Variants in SCIN observed in about 807,000 individuals in gnomAD.
The protein encoded by SCIN is adseverin.
SCIN carries 91 observed loss-of-function variants against 91.8 expected under a neutral mutation model. The observed-to-expected ratio is 0.99, with a 90% CI of 0.84 to 1.18. The LOEUF (loss-of-function observed/expected upper bound fraction) is 1.18. Ranked by LOEUF, SCIN falls within the 50% of genes most tolerant of loss-of-function variation. SCIN has a pLI of 0.00. For missense variants in SCIN, 1,087 were observed against 863.9 expected, an observed-to-expected ratio of 1.26 and a Z score of -3.24; for synonymous variants, 367 against 312.6, an observed-to-expected ratio of 1.17 and a Z score of -1.84.
At chr7:12,636,561 T>C (rs1179793672) in intron 10 of SCIN, among the ~76,000 whole-genome samples, 1 of 152,042 alleles carries the variant, frequency 6.6e-6, no homozygotes, top group Non-Finnish European at 1.5e-5. Flanking sequence ...AGAATTAAGG[T>C]CGGAGATGGA....
In SCIN at chr7:12,652,999, G is replaced by C. The variant is rs568921773; in HGVS notation, c.*284G>C. 54 of 215,538 alleles carry C rather than the reference G, an allele frequency of 2.5e-4. No homozygotes were observed. Among genetic ancestry groups the C allele is most frequent in the African/African-American group, 1.2e-3 (51 of 42,458 alleles). 13.4% of individuals were successfully genotyped at this position (215,538 alleles called of 1,614,324 possible). On this transcript the variant is annotated 3_prime_UTR_variant, in exon 16 of 16. Transcript: ENST00000297029. ...GCACGCCTGTAGTCCCTGCTACTTG[G>C]AAGGCTGAGACAGGAAAATTGCTTG...
In SCIN at chr7:12,622,830, T is replaced by C; in HGVS notation, c.696T>C (p.Asp232=). The C allele has an allele frequency of 6.2e-7, 1 of 1,613,174 alleles. No homozygotes were observed. The highest frequency in any genetic ancestry group is 8.5e-7 in the Non-Finnish European group (1 of 1,179,346). ...KVLGEKPELP[D]GGDDDDIIAD... Reference sequence around the variant, plus strand: ...TAGGGGAAAAGCCAGAGCTTCCAGATGGAGGTGATGATGATGACATTATAG... The same window carrying C: ...TAGGGGAAAAGCCAGAGCTTCCAGACGGAGGTGATGATGATGACATTATAG... The change falls in exon 5 of 16, where the codon GAT becomes GAC. Residue 232 remains aspartate (D), a synonymous_variant. Coordinates refer to ENST00000297029, the MANE Select transcript of SCIN (RefSeq NM_001112706.3).
chr7:12,650,757 C>A (rs1392631579), intron 14 of SCIN, among the ~76,000 whole-genome samples: 3 of 152,088 alleles, frequency 2.0e-5, no homozygotes, highest in Non-Finnish European at 2.9e-5. Flanking sequence ...TTTTAAAAAA[C>A]ACATTGCTAT....
chr7:12,617,283 G>A (rs1262977472), intron 4 of SCIN, among the ~76,000 whole-genome samples: 1 of 152,040 alleles, frequency 6.6e-6, no homozygotes, highest in Non-Finnish European at 1.5e-5. Context: ...TGATAATTGA[G>A]CCATATTATT....
At position 12,651,564 on chromosome 7, in the gene SCIN, A is replaced by AG. The variant is rs1784079823; in HGVS notation, c.1960-276dup. 6.6e-6 allele frequency among the ~76,000 whole-genome samples: 1 copy of AG among 151,826 alleles called. No individual in the cohort carries two copies. Among genetic ancestry groups the AG allele is most frequent in the South Asian group, 2.1e-4 (1 of 4,828 alleles). ...CAGACAATCTGTTTTTTTTTGTGAA[A>AG]GATCACTTTACAAACTAGAAAGTAC... On this transcript the variant is annotated intron_variant, in intron 14 of 15. Coordinates refer to ENST00000297029, the MANE Select transcript of SCIN (RefSeq NM_001112706.3). The surrounding 1 kb of genome is among the most constrained non-coding windows in gnomAD (Gnocchi z 5.9).
At chr7:12,604,329 CT>C (rs774360143) in intron 3 of SCIN, among the ~76,000 whole-genome samples, 184 bp from the exon 4 acceptor site, 2 of 152,086 alleles carry the variant, frequency 1.3e-5, no homozygotes, top group Non-Finnish European at 2.9e-5. Flanking sequence ...TGCTTAAAAA[CT>C]GCTTACTTTG....
At chr7:12,625,236 C>G (rs1783490746) in intron 6 of SCIN, 94 bp downstream of exon 6, 2 of 1,176,818 alleles carry the variant, frequency 1.7e-6, no homozygotes, top group Non-Finnish European at 2.3e-6. Flanking sequence ...TAAAAAAAAG[C>G]CCACCTTTTA....
At chr7:12,630,484 T>A (rs140483254) in intron 9 of SCIN, among the ~76,000 whole-genome samples, 61 of 152,286 alleles carry the variant, frequency 4.0e-4, no homozygotes, top group African/African-American at 1.3e-3. Flanking sequence ...TAAATCAAAA[T>A]CTCAGCTGGG....
chr7:12,634,952 C>T (rs902431324), intron 9 of SCIN, among the ~76,000 whole-genome samples: 18 of 152,028 alleles, frequency 1.2e-4, no homozygotes, highest in Non-Finnish European at 1.0e-4. Context: ...TTTGGGAGGC[C>T]GAGGCGGGTG....
chr7:12,623,979 C>A (rs1231734682), intron 5 of SCIN, among the ~76,000 whole-genome samples: 1 of 152,146 alleles, frequency 6.6e-6, no homozygotes. Flanking sequence ...TAACAGATAT[C>A]TTTTATTTCA....
At chr7:12,645,834 T>A (rs1783955901) in intron 13 of SCIN, among the ~76,000 whole-genome samples, 1 of 152,218 alleles carries the variant, frequency 6.6e-6, no homozygotes, top group African/African-American at 2.4e-5. Context: ...CTATATAGAT[T>A]AAGCTGTTCT....
intron 3 of SCIN, among the ~76,000 whole-genome samples, chr7:12,592,046 A>G (rs1276637134): frequency 6.6e-6 from 1 of 152,128 alleles, no homozygotes; most frequent in Non-Finnish European, 1.5e-5. Flanking sequence ...AGCTTGTCCA[A>G]AGAAATGAGG....
chr7:12,610,257 A>G (rs940670927), intron 4 of SCIN, among the ~76,000 whole-genome samples: 1 of 152,212 alleles, frequency 6.6e-6, no homozygotes, highest in Admixed American at 6.5e-5. Flanking sequence ...ATTCTCTTGG[A>G]AAGTTGATGG....
chr7:12,607,004 A>G (rs954773329), intron 4 of SCIN, among the ~76,000 whole-genome samples: 1 of 152,218 alleles, frequency 6.6e-6, no homozygotes, highest in African/African-American at 2.4e-5. Flanking sequence ...TCTATAAATA[A>G]GATGTATTTC....
In SCIN at chr7:12,650,908, C is replaced by T. The variant is rs369398375; in HGVS notation, c.1960-933C>T. ...ACAGACAAGCTCTACACGTGGTCTA[C>T]ATGTGGTCTCTTCCAGCCAAGATCC... is the stretch of plus-strand genomic sequence containing the variant. On this transcript the variant is annotated intron_variant, in intron 14 of 15. Coordinates refer to ENST00000297029, the MANE Select transcript of SCIN (RefSeq NM_001112706.3). 1.2e-4 allele frequency among the ~76,000 whole-genome samples: 18 copies of T among 152,270 alleles called. No individual in the cohort carries two copies. In the East Asian group the frequency reaches 1.9e-3, roughly 16 times the overall value.
rs183389104 is a variant in SCIN at position 12,634,459 on chromosome 7, T to C, written c.1320-1586T>C. Reference sequence around the variant, plus strand: ...TAGATCACGCCATTGCACTCCAGCCTGGGCAACAAGAGCGAAACTCCATCT... The same window carrying C: ...TAGATCACGCCATTGCACTCCAGCCCGGGCAACAAGAGCGAAACTCCATCT... On this transcript the variant is annotated intron_variant, in intron 9 of 15. Coordinates refer to ENST00000297029, the MANE Select transcript of SCIN (RefSeq NM_001112706.3). Among the ~76,000 whole-genome samples the C allele has an allele frequency of 5.1e-3, 760 of 149,828 alleles. 8 individuals are homozygous for C. Among genetic ancestry groups the C allele is most frequent in the African/African-American group, 0.018 (717 of 40,532 alleles).
chr7:12,625,142 G>A lies in SCIN; in HGVS notation c.892G>A (p.Gly298Ser). 1 of 1,605,364 alleles carries A rather than the reference G, an allele frequency of 6.2e-7. No homozygotes were observed. Among genetic ancestry groups the A allele is most frequent in the African/African-American group, 1.3e-5 (1 of 74,588 alleles). The change falls in exon 6 of 16, where the codon GGT (glycine) becomes AGT (serine). Residue 298 changes from glycine to serine, a missense_variant and splice_region_variant. Gly to Ser is a moderately conservative substitution (Grantham distance 56, BLOSUM62 0). Transcript: ENST00000297029. ...TGCCAAACAAATTTTCGTATGGAAA[G>A]GTAAAAAATTCCATTGACGATGCTG... ...GAAKQIFVWKGKDANPQERKA... is the reference protein window; with the variant it reads ...GAAKQIFVWKSKDANPQERKA...
chr7:12,650,395 A>T (rs1259187896), intron 14 of SCIN, among the ~76,000 whole-genome samples: 6 of 152,222 alleles, frequency 3.9e-5, no homozygotes, highest in African/African-American at 1.2e-4. Context: ...ACACTTCCTT[A>T]TTCAGATATA....
chr7:12,639,748 A>G (rs1783820614), intron 10 of SCIN, among the ~76,000 whole-genome samples: 1 of 152,248 alleles, frequency 6.6e-6, no homozygotes, highest in Non-Finnish European at 1.5e-5. Context: ...GTTAAAAAGT[A>G]GAAAACATAT....
Sources: gnomAD v4.1 joint callset for allele counts (sites outside exome capture counted in the v4.1 genomes callset) on GRCh38, gnomAD v4.1.1 for gene constraint, Gnocchi (gnomAD v3.1) non-coding constraint, MANE v1.5 for transcripts, NCBI Gene and HGNC (gene_info 2026-07-23, HGNC 2026-07-21) for gene names.